ARCN1: variants seen among roughly 807,000 people sequenced by gnomAD.
ARCN1 encodes coatomer subunit delta.
ARCN1 carries 5 observed loss-of-function variants against 60.4 expected under a neutral mutation model. The observed-to-expected ratio is 0.08, with a 90% CI of 0.04 to 0.17. The LOEUF (loss-of-function observed/expected upper bound fraction) is 0.17, where lower values mean the gene tolerates loss of function less well. Ranked by LOEUF, ARCN1 falls within the 10% of genes least tolerant of loss-of-function variation. The pLI is 1.00. For synonymous variants in ARCN1, 224 were observed against 220.0 expected (o/e 1.02, Z -0.16); for missense variants, 464 against 626.5 (o/e 0.74, Z 2.77).
chr11:118,572,802 T>A, intron 1 of ARCN1: 1 of 460,480 alleles, frequency 2.2e-6, no homozygotes, highest in Non-Finnish European at 3.9e-6. Context: ...CCTCGTTTGC[T>A]GGGACCTGCC....
chr11:118,581,925 G>GACACACACACAC (rs1361432735), intron 2 of ARCN1, among the ~76,000 whole-genome samples: 133 of 121,076 alleles, frequency 1.1e-3, no homozygotes, highest in East Asian at 6.6e-3. Flanking sequence ...TCCAGAGACA[G>GACACACACACAC]ACAGACAGAC....
intron 8 of ARCN1, among the ~76,000 whole-genome samples, chr11:118,597,263 T>A (rs1939046549): frequency 6.6e-6 from 1 of 152,196 alleles, no homozygotes; most frequent in Non-Finnish European, 1.5e-5. Context: ...ATCTCCACTA[T>A]TGATGTTTAG....
At chr11:118,584,840 T>G (rs781975459) in intron 5 of ARCN1, among the ~76,000 whole-genome samples, 196 bp downstream of exon 5, 1 of 152,176 alleles carries the variant, frequency 6.6e-6, no homozygotes, top group African/African-American at 2.4e-5. Context: ...ACTTATTTTT[T>G]TTTGAGATGG....
chr11:118,601,413 T>C lies in ARCN1; in HGVS notation c.*699T>C, dbSNP rs1555078111. ...AATCCCTAAATATAGTTATATTTCA[T>C]ACTTAGTTTGTTTTTAAAAAGTTTT... On this transcript the variant is annotated 3_prime_UTR_variant, in exon 10 of 10. Coordinates refer to ENST00000264028, the MANE Select transcript of ARCN1 (RefSeq NM_001655.5). 8.4e-6 allele frequency: 5 copies of C among 594,510 alleles called. No individual in the cohort carries two copies. The highest frequency in any genetic ancestry group is 6.2e-5 in the East Asian group (2 of 32,042). 36.8% of individuals were successfully genotyped at this position (594,510 alleles called of 1,614,324 possible).
At chr11:118,572,803 G>T in intron 1 of ARCN1, 1 of 460,660 alleles carries the variant, frequency 2.2e-6, no homozygotes, top group African/African-American at 2.0e-5. Context: ...CTCGTTTGCT[G>T]GGACCTGCCC....
intron 9 of ARCN1, among the ~76,000 whole-genome samples, chr11:118,599,115 G>A (rs1214920771): frequency 7.0e-6 from 1 of 141,978 alleles, no homozygotes; most frequent in Non-Finnish European, 1.5e-5. Context: ...TTTTTAAGAC[G>A]GAGTTTCACT....
At chr11:118,576,042 A>T (rs1484116790) in intron 1 of ARCN1, among the ~76,000 whole-genome samples, 1 of 151,608 alleles carries the variant, frequency 6.6e-6, no homozygotes, top group Non-Finnish European at 1.5e-5. Flanking sequence ...GACACAGAGC[A>T]CTTTGGATTT....
rs141830134 is a variant in ARCN1, at chr11:118,584,612, C to G, written c.786C>G (p.Thr262=). 639 of 1,610,078 alleles carry G rather than the reference C, an allele frequency of 4.0e-4. 3 individuals carry two copies. In the African/African-American group the frequency reaches 7.9e-3, roughly 20 times the overall value. The part of the protein sequence containing the change: ...SSMGKRTSEA[T]KMHAPPINME... ...TGGGCAAGCGTACTTCTGAAGCAAC[C>G]AAAATGCATGCTCCACCCATTAATA... Residue 262 remains threonine, a synonymous_variant, in exon 5 of 10, where the codon ACC becomes ACG. Coordinates refer to ENST00000264028, the MANE Select transcript of ARCN1 (RefSeq NM_001655.5).
intron 1 of ARCN1, among the ~76,000 whole-genome samples, chr11:118,573,994 C>T (rs1938422186): frequency 1.3e-5 from 2 of 152,048 alleles, no homozygotes; most frequent in Non-Finnish European, 2.9e-5. Flanking sequence ...ATTATATAAA[C>T]CAGATAAAGG....
chr11:118,590,533 A>T, intron 6 of ARCN1, 27 bp downstream of exon 6: 2 of 1,609,702 alleles, frequency 1.2e-6, no homozygotes, highest in Non-Finnish European at 1.7e-6. Context: ...GATAGGGAGT[A>T]TTAACACTTT....
In ARCN1 at chr11:118,602,747, C is replaced by G. The variant is rs1555078371; in HGVS notation, c.*2033C>G. ...CCAGTTTTGTTTGAAAGTTGTTTGT[C>G]CGTATGATTTTTTAAAAGTCAAGTT... On this transcript the variant is annotated 3_prime_UTR_variant, in exon 10 of 10. Coordinates refer to ENST00000264028, the MANE Select transcript of ARCN1 (RefSeq NM_001655.5). The G allele has an allele frequency of 1.3e-5, 2 of 153,642 alleles. No homozygotes were observed. The highest frequency in any genetic ancestry group is 4.8e-5 in the African/African-American group (2 of 41,394). 9.5% of individuals were successfully genotyped at this position (153,642 alleles called of 1,614,324 possible).
At chr11:118,592,069 C>T (rs1239559878) in intron 6 of ARCN1, among the ~76,000 whole-genome samples, 9 of 151,844 alleles carry the variant, frequency 5.9e-5, no homozygotes, top group South Asian at 4.2e-4. Context: ...TACAGGCGTG[C>T]GCCACCATGT....
At chr11:118,575,554 C>T (rs542559496) in intron 1 of ARCN1, among the ~76,000 whole-genome samples, 117 of 152,190 alleles carry the variant, frequency 7.7e-4, no homozygotes, top group Non-Finnish European at 1.3e-3. Flanking sequence ...TTATTGTAAT[C>T]TTCTCTCTGA....
intron 1 of ARCN1, among the ~76,000 whole-genome samples, chr11:118,576,922 T>C (rs1010550218): frequency 4.6e-5 from 7 of 152,202 alleles, no homozygotes; most frequent in Non-Finnish European, 1.0e-4. Flanking sequence ...TGGCGGCTCA[T>C]GCCTGTAATC....
At chr11:118,574,585 T>G (rs761469114) in intron 1 of ARCN1, among the ~76,000 whole-genome samples, 1 of 152,230 alleles carries the variant, frequency 6.6e-6, no homozygotes, top group African/African-American at 2.4e-5. Flanking sequence ...GTTGCAGATA[T>G]CAGTACGTAA....
intron 4 of ARCN1, among the ~76,000 whole-genome samples, chr11:118,584,256 T>C (rs1007057137): frequency 1.3e-5 from 2 of 152,212 alleles, no homozygotes; most frequent in South Asian, 2.1e-4. Flanking sequence ...AGAGTTGCCT[T>C]ATTGTGGGGA....
Position 118,584,472 on chromosome 11 carries a change from C to T in ARCN1, c.654-8C>T, listed in dbSNP as rs782061904. 3 of 1,594,904 alleles carry T rather than the reference C, an allele frequency of 1.9e-6. No homozygotes were observed. The highest frequency in any genetic ancestry group is 3.7e-5 in the Admixed American group (2 of 53,922). ...TTTGGGTAATGAATTTCAAATTCTT[C>T]CACTTAGGCCTTCAGGCCCCAGCAA... On this transcript the variant is annotated splice_region_variant and splice_polypyrimidine_tract_variant and intron_variant, in intron 4 of 9. Coordinates refer to ENST00000264028, the MANE Select transcript of ARCN1 (RefSeq NM_001655.5).
intron 9 of ARCN1, among the ~76,000 whole-genome samples, chr11:118,600,363 T>A (rs1191770200): frequency 6.6e-6 from 1 of 152,182 alleles, no homozygotes; most frequent in Non-Finnish European, 1.5e-5. Flanking sequence ...TGGCCACTCA[T>A]TTTGGAGCTT....
In ARCN1 at chr11:118,583,369, TC is replaced by T. The variant is rs1483311391; in HGVS notation, c.447+12del. The T allele has an allele frequency of 6.2e-7, 1 of 1,600,056 alleles. No homozygotes were observed. The highest frequency in any genetic ancestry group is 8.5e-7 in the Non-Finnish European group (1 of 1,174,022). ...AGAGCCGTCAGAGAGGTAAATAGGATCTTCTCTGGGACTACCTGTTTGTATG... is the reference window on the plus strand; with the variant it reads ...AGAGCCGTCAGAGAGGTAAATAGGATTTCTCTGGGACTACCTGTTTGTATG... On this transcript the variant is annotated intron_variant, in intron 3 of 9. Coordinates refer to ENST00000264028, the MANE Select transcript of ARCN1 (RefSeq NM_001655.5).
Sources: allele counts gnomAD v4.1 joint callset (sites outside exome capture counted in the v4.1 genomes callset), GRCh38; gene constraint gnomAD v4.1.1; transcripts MANE v1.5; gene names NCBI Gene and HGNC (gene_info 2026-07-23, HGNC 2026-07-21).